Variants in LARGE1 observed in about 807,000 individuals in gnomAD.
The protein encoded by LARGE1 is xylosyl- and glucuronyltransferase LARGE1.
LARGE1 carries 43 observed loss-of-function variants against 87.6 expected under a neutral mutation model. That is an observed-to-expected ratio of 0.49 (90% confidence interval 0.38 to 0.63). The LOEUF (loss-of-function observed/expected upper bound fraction) is 0.63. LARGE1 is among the 30% of genes least tolerant of loss of function. The probability of loss-of-function intolerance (pLI) is 0.00; values close to 1 mark genes in which losing one functional copy is unlikely to be tolerated. For synonymous variants in LARGE1, 434 were observed against 394.6 expected (o/e 1.10, Z -1.18); for missense variants, 802 against 1,000.2 (o/e 0.80, Z 2.67).
chr22:33,859,391 A>G (rs1190298903), intron 1 of LARGE1, among the ~76,000 whole-genome samples: 1 of 152,238 alleles, frequency 6.6e-6, no homozygotes, highest in African/African-American at 2.4e-5. Context: ...CCCAACAGAT[A>G]CAAACAAAAA....
At chr22:33,903,625 G>T (rs1401377741) in intron 1 of LARGE1, among the ~76,000 whole-genome samples, 1 of 152,124 alleles carries the variant, frequency 6.6e-6, no homozygotes, top group Non-Finnish European at 1.5e-5. Context: ...AAGAGATCGA[G>T]ACCAGCCTGG....
intron 9 of LARGE1, among the ~76,000 whole-genome samples, chr22:33,358,178 G>A (rs1335906799): frequency 6.6e-6 from 1 of 152,184 alleles, no homozygotes; most frequent in Non-Finnish European, 1.5e-5. Context: ...ATAAAACACT[G>A]ACAGCCCTTG....
At chr22:33,818,992 G>A (rs1031726644) in intron 1 of LARGE1, among the ~76,000 whole-genome samples, 9 of 152,138 alleles carry the variant, frequency 5.9e-5, no homozygotes, top group African/African-American at 1.4e-4. Context: ...TCCCAGAAAC[G>A]GGTGCCTAAT....
the LARGE1 span, among the ~76,000 whole-genome samples, chr22:33,131,535 G>C: frequency 6.6e-6 from 1 of 152,156 alleles, no homozygotes; most frequent in Non-Finnish European, 1.5e-5. Flanking sequence ...ACATGGCTGG[G>C]GAGGCCTCAC....
chr22:33,337,923 A>G, intron 9 of LARGE1, 122 bp from the exon 10 acceptor site: 2 of 1,116,878 alleles, frequency 1.8e-6, no homozygotes, highest in Middle Eastern at 4.4e-4. Flanking sequence ...TCATTCGCTC[A>G]TTCAACATTT....
At chr22:33,657,185 G>A (rs1222108155) in intron 2 of LARGE1, 2 of 152,234 alleles carry the variant, frequency 1.3e-5, no homozygotes, top group Non-Finnish European at 2.9e-5. Flanking sequence ...TCTAGTCTAG[G>A]AAAGCAAACT....
intron 2 of LARGE1, among the ~76,000 whole-genome samples, chr22:33,687,083 CTCCT>C (rs893408730): frequency 3.9e-5 from 6 of 152,020 alleles, no homozygotes; most frequent in African/African-American, 1.4e-4. Context: ...GCACTGGCTG[CTCCT>C]TCCATCTGGA....
chr22:33,400,081 A>G (rs934234442), intron 7 of LARGE1, among the ~76,000 whole-genome samples: 1 of 152,250 alleles, frequency 6.6e-6, no homozygotes, highest in South Asian at 2.1e-4. Flanking sequence ...GAAGATGTCA[A>G]GTCCCTTAGA....
chr22:33,371,710 C>G lies in LARGE1; in HGVS notation c.1131+10209G>C, dbSNP rs374064733. Among the ~76,000 whole-genome samples the G allele has an allele frequency of 7.2e-5, 11 of 152,224 alleles. No individual in the cohort carries two copies. In the South Asian group the frequency reaches 1.7e-3, roughly 23 times the overall value. ...GTAAATGGAGTAAATGTTTGCCGGG[C>G]GCGGTGGCTCACGCCTATAATCCCA... On this transcript the variant is annotated intron_variant, in intron 9 of 14. Coordinates refer to ENST00000397394, the MANE Select transcript of LARGE1 (RefSeq NM_133642.5).
chr22:33,540,298 C>T (rs2077156405), intron 6 of LARGE1, among the ~76,000 whole-genome samples: 1 of 152,108 alleles, frequency 6.6e-6, no homozygotes, highest in African/African-American at 2.4e-5. Context: ...CTTGCCAAGT[C>T]CCCCCCTGTG....
At chr22:33,294,296 G>A (rs1468917711) in intron 12 of LARGE1, among the ~76,000 whole-genome samples, 1 of 152,264 alleles carries the variant, frequency 6.6e-6, no homozygotes, top group African/African-American at 2.4e-5. Context: ...AATGCTGGGA[G>A]AGAACCAGAC....
Position 33,632,341 on chromosome 22 carries a change from C to T in LARGE1, c.409-6015G>A, listed in dbSNP as rs182137014. On this transcript the variant is annotated intron_variant, in intron 3 of 14. Coordinates refer to ENST00000397394, the MANE Select transcript of LARGE1 (RefSeq NM_133642.5). Reference sequence around the variant, plus strand: ...GTTTGGCCACGTTGCCCAAGCTGGTCTTGAACTCCTGGCCTCATGTGATCC... The same window carrying T: ...GTTTGGCCACGTTGCCCAAGCTGGTTTTGAACTCCTGGCCTCATGTGATCC... Among the ~76,000 whole-genome samples the T allele has an allele frequency of 7.2e-3, 1,093 of 152,276 alleles. 15 individuals are homozygous for T. The highest frequency in any genetic ancestry group is 0.033 in the Admixed American group (498 of 15,290).
At chr22:33,918,099 G>A (rs976281156) in intron 1 of LARGE1, among the ~76,000 whole-genome samples, 8 of 152,160 alleles carry the variant, frequency 5.3e-5, no homozygotes, top group African/African-American at 1.7e-4. Context: ...GGAAACCTTC[G>A]TCACAACCTT....
At chr22:33,794,344 T>G (rs1221952895) in intron 1 of LARGE1, among the ~76,000 whole-genome samples, 1 of 152,152 alleles carries the variant, frequency 6.6e-6, no homozygotes, top group Non-Finnish European at 1.5e-5. Context: ...CAATCCCAGG[T>G]GGGCCCCAAG....
At chr22:33,513,148 G>A (rs2071132102) in intron 6 of LARGE1, among the ~76,000 whole-genome samples, 1 of 152,118 alleles carries the variant, frequency 6.6e-6, no homozygotes, top group South Asian at 2.1e-4. Flanking sequence ...CTAGAAGTGA[G>A]GAATGTAAAA....
chr22:33,649,115 G>A (rs771108000), intron 3 of LARGE1, among the ~76,000 whole-genome samples: 7 of 152,080 alleles, frequency 4.6e-5, no homozygotes, highest in Non-Finnish European at 7.4e-5. Context: ...ATCCTCTGTC[G>A]GATGCTCTCT....
At position 33,810,626 on chromosome 22, in the gene LARGE1, T is replaced by TA. The variant is rs200343818; in HGVS notation, c.-82-49069dup. Among the ~76,000 whole-genome samples, 90 of 152,280 alleles carry TA rather than the reference T, an allele frequency of 5.9e-4. No homozygotes were observed. The East Asian group carries it at 0.016, about 27-fold the overall frequency. The stretch of plus-strand genomic sequence containing the variant: ...TCTTAAGGACTAGCAAGAGTACTGA[T>TA]AGAGACTGCCTCACTATCAGGATCC... On this transcript the variant is annotated intron_variant, in intron 1 of 14. Coordinates refer to ENST00000397394, the MANE Select transcript of LARGE1 (RefSeq NM_133642.5).
chr22:33,517,443 T>C (rs993562400), intron 6 of LARGE1, among the ~76,000 whole-genome samples: 3 of 152,194 alleles, frequency 2.0e-5, no homozygotes, highest in Non-Finnish European at 4.4e-5. Flanking sequence ...TTGCCCAGGC[T>C]GGAGTGCAGT....
At chr22:33,539,347 C>T (rs1043376195) in intron 6 of LARGE1, among the ~76,000 whole-genome samples, 3 of 152,150 alleles carry the variant, frequency 2.0e-5, no homozygotes, top group East Asian at 1.9e-4. Context: ...CATGGGCATC[C>T]GCACTTCACA....
Sources: gnomAD v4.1 joint callset for allele counts (sites outside exome capture counted in the v4.1 genomes callset) on GRCh38, gnomAD v4.1.1 for gene constraint, MANE v1.5 for transcripts, NCBI Gene and HGNC (gene_info 2026-07-23, HGNC 2026-07-21) for gene names.